CCDC7: variants seen among roughly 807,000 people sequenced by gnomAD.
CCDC7 encodes the protein coiled-coil domain containing 7, also known as coiled-coil domain-containing protein 7.
CCDC7 carries 183 observed loss-of-function variants against 196.9 expected under a neutral mutation model. That is an observed-to-expected ratio of 0.93 (90% CI 0.82 to 1.05). The LOEUF is 1.05. Among genes scored for constraint, CCDC7 ranks in the 50% least tolerant of loss-of-function variants. The pLI, the probability that CCDC7 is intolerant of heterozygous loss-of-function variation, is 0.00. For synonymous variants in CCDC7, 525 were observed against 484.6 expected (o/e 1.08, Z -1.10); for missense variants, 1,540 against 1,482.2 (o/e 1.04, Z -0.64).
chr10:32,673,653 A>ATGTGTGTG (rs772678414), intron 21 of CCDC7, among the ~76,000 whole-genome samples: 1,555 of 120,666 alleles, frequency 0.013, 22 homozygotes, highest in Middle Eastern at 0.028. Flanking sequence ...ACCATTGTGC[A>ATGTGTGTG]CGTGTGTGTG....
intron 13 of CCDC7, among the ~76,000 whole-genome samples, chr10:32,558,278 T>A (rs2054695485): frequency 6.6e-6 from 1 of 152,194 alleles, no homozygotes; most frequent in Non-Finnish European, 1.5e-5. Context: ...TATTATTATT[T>A]TTTTCTTTAA....
rs761202419 is a variant in CCDC7 at position 32,686,036 on chromosome 10, T to G, written c.2189T>G (p.Leu730Ter). The stretch of plus-strand genomic sequence containing the variant: ...CAAGAATCATTGTCAAAAACCAAAT[T>G]ACAAATAAAGAAACAAGAAACTTCT... The change falls in exon 22 of 42, where the codon TTA becomes TGA. Residue 730 changes from leucine (L) to a stop codon, truncating the protein, a stop_gained. Transcript: ENST00000639629. LOFTEE classifies it high-confidence loss of function. 2.5e-6 allele frequency: 4 copies of G among 1,583,002 alleles called. No individual in the cohort carries two copies. Among genetic ancestry groups the G allele is most frequent in the Non-Finnish European group, 3.4e-6 (4 of 1,164,874 alleles).
At chr10:32,639,372 G>A (rs2066287554) in intron 20 of CCDC7, among the ~76,000 whole-genome samples, 1 of 151,956 alleles carries the variant, frequency 6.6e-6, no homozygotes, top group Non-Finnish European at 1.5e-5. Context: ...TGGGCATTTA[G>A]TGCTATAAAT....
chr10:32,716,223 A>G (rs2081553334), intron 25 of CCDC7, among the ~76,000 whole-genome samples: 1 of 152,192 alleles, frequency 6.6e-6, no homozygotes, highest in Non-Finnish European at 1.5e-5. Flanking sequence ...AGCCCTACAA[A>G]CCAGAAGGGA....
intron 25 of CCDC7, chr10:32,725,423 T>C (rs2082977244): frequency 2.1e-6 from 1 of 468,272 alleles, no homozygotes; most frequent in Admixed American, 2.4e-5. Context: ...CATGGATTAG[T>C]ACTTGTTTTT....
chr10:32,519,227 A>G (rs2047509336), intron 11 of CCDC7, among the ~76,000 whole-genome samples: 1 of 152,182 alleles, frequency 6.6e-6, no homozygotes, highest in African/African-American at 2.4e-5. Flanking sequence ...ATCATGCCAA[A>G]TAGGAATAGA....
At chr10:32,645,899 CTTGT>C (rs1468340493) in intron 20 of CCDC7, among the ~76,000 whole-genome samples, 3 of 151,944 alleles carry the variant, frequency 2.0e-5, no homozygotes, top group Non-Finnish European at 4.4e-5. Flanking sequence ...CTTTTCTTCT[CTTGT>C]TTTAGTTATT....
chr10:32,658,160 C>G (rs1407279701), intron 20 of CCDC7, among the ~76,000 whole-genome samples: 2 of 152,218 alleles, frequency 1.3e-5, no homozygotes, highest in African/African-American at 4.8e-5. Flanking sequence ...CAACCTCTGC[C>G]TGTTACCTAG....
At chr10:32,766,628 ACTTAAC>A (rs770620974) in intron 28 of CCDC7, among the ~76,000 whole-genome samples, 37 of 152,182 alleles carry the variant, frequency 2.4e-4, no homozygotes, top group Non-Finnish European at 5.0e-4. Flanking sequence ...GAAACTGAAC[ACTTAAC>A]CATGGACCAC....
intron 8 of CCDC7, among the ~76,000 whole-genome samples, chr10:32,481,370 T>A (rs1198166747): frequency 3.3e-5 from 5 of 152,194 alleles, no homozygotes; most frequent in African/African-American, 7.2e-5. Flanking sequence ...GTTTTGTAGA[T>A]CCTTTGTTCT....
intron 28 of CCDC7, among the ~76,000 whole-genome samples, chr10:32,756,230 A>G (rs962130848): frequency 3.9e-5 from 6 of 152,216 alleles, no homozygotes; most frequent in Non-Finnish European, 5.9e-5. Context: ...AGGCAGGCCA[A>G]CATTCAAATT....
intron 18 of CCDC7, among the ~76,000 whole-genome samples, chr10:32,629,190 A>G (rs2064475043): frequency 6.6e-6 from 1 of 152,124 alleles, no homozygotes; most frequent in African/African-American, 2.4e-5. Context: ...TATTTACAGC[A>G]TATATATTTA....
intron 26 of CCDC7, among the ~76,000 whole-genome samples, chr10:32,728,641 T>C (rs1271879052): frequency 6.6e-6 from 1 of 152,216 alleles, no homozygotes; most frequent in Non-Finnish European, 1.5e-5. Flanking sequence ...GTAAGTATTT[T>C]GATTATGTAT....
At chr10:32,526,454 C>T (rs987516154) in intron 11 of CCDC7, among the ~76,000 whole-genome samples, 14 of 152,114 alleles carry the variant, frequency 9.2e-5, no homozygotes, top group African/African-American at 3.1e-4. Context: ...GTCACCTTTA[C>T]GTTTCCCCCT....
chr10:32,835,264 G>C lies in CCDC7; in HGVS notation c.3352+366G>C, dbSNP rs1456314164. Among the ~76,000 whole-genome samples, 5 of 152,178 alleles carry C rather than the reference G, an allele frequency of 3.3e-5. No individual in the cohort carries two copies. In the East Asian group the frequency reaches 9.7e-4, roughly 29 times the overall value. ...TGTCTAAAAGTCTCCCACTATTATT[G>C]TGTTGGAGCCTAAGTCTCTTTGAAG... On this transcript the variant is annotated intron_variant, in intron 33 of 41. Transcript: ENST00000639629.
In CCDC7 at chr10:32,776,169, A is replaced by C. The variant is rs1422991368; in HGVS notation, c.2906-2808A>C. On this transcript the variant is annotated intron_variant, in intron 28 of 41. Coordinates refer to ENST00000639629, the Ensembl canonical transcript of CCDC7. ...TGGGGGAGGGATAGCACTGGGAGAT[A>C]TACCTAATGCTAGATGACGAGTTAG... is the stretch of plus-strand genomic sequence containing the variant. Among the ~76,000 whole-genome samples the C allele has an allele frequency of 1.1e-4, 17 of 149,038 alleles. No homozygotes were observed. The Admixed American group carries it at 1.1e-3, about 10-fold the overall frequency.
At chr10:32,851,929 T>C in exon 40 of CCDC7, 1 of 1,587,880 alleles carries the variant, frequency 6.3e-7, no homozygotes, top group South Asian at 1.2e-5. Flanking sequence ...TCAACTCCCT[T>C]CAGGTAATTT....
chr10:32,540,592 G>T (rs2051246169), intron 11 of CCDC7, among the ~76,000 whole-genome samples: 1 of 152,098 alleles, frequency 6.6e-6, no homozygotes, highest in African/African-American at 2.4e-5. Context: ...TGCCTGAAAA[G>T]ATCTTATTTC....
intron 21 of CCDC7, among the ~76,000 whole-genome samples, chr10:32,670,699 T>C (rs888438898): frequency 6.6e-6 from 1 of 152,142 alleles, no homozygotes; most frequent in Non-Finnish European, 1.5e-5. Flanking sequence ...ATTTCATCCA[T>C]GTCCCTACAA....
Sources: allele counts gnomAD v4.1 joint callset (sites outside exome capture counted in the v4.1 genomes callset), GRCh38; gene constraint gnomAD v4.1.1; transcripts MANE v1.5; gene names NCBI Gene and HGNC (gene_info 2026-07-23, HGNC 2026-07-21).